The following GRM5 variants were observed in gnomAD, a reference collection of about 807,000 sequenced individuals.
GRM5 encodes metabotropic glutamate receptor 5.
GRM5 carries 19 observed loss-of-function variants against 83.1 expected under a neutral mutation model. That is an observed-to-expected ratio of 0.23 (90% CI 0.16 to 0.34). GRM5 has a LOEUF of 0.34. Among genes scored for constraint, GRM5 ranks in the 10% least tolerant of loss-of-function variants. The pLI, the probability that GRM5 is intolerant of heterozygous loss-of-function variation, is 1.00. For synonymous variants in GRM5, 675 were observed against 633.6 expected (o/e 1.07, Z -0.98); for missense variants, 1,160 against 1,588.3 (o/e 0.73, Z 4.58).
chr11:88,696,495 A>G (rs984125878), intron 3 of GRM5, among the ~76,000 whole-genome samples: 1 of 152,142 alleles, frequency 6.6e-6, no homozygotes. Context: ...GTGGTTAAGA[A>G]TGACATGTGA....
intron 3 of GRM5, among the ~76,000 whole-genome samples, chr11:88,707,052 A>T (rs1353232283): frequency 6.6e-6 from 1 of 152,082 alleles, no homozygotes; most frequent in Non-Finnish European, 1.5e-5. Context: ...CGCTCTGCAC[A>T]ACTCATTTCT....
In GRM5 at chr11:88,505,502, T is replaced by A. The variant is rs1941161798; in HGVS notation, c.*3090A>T. 6.6e-6 allele frequency: 1 copy of A among 152,228 alleles called. No individual in the cohort carries two copies. The highest frequency in any genetic ancestry group is 1.5e-5 in the Non-Finnish European group (1 of 68,022). 9.4% of individuals were successfully genotyped at this position (152,228 alleles called of 1,614,324 possible). ...AGTTACTTTCAAGGATTAGCACGTT[T>A]GGGGATTTGCTTTTTTTCCTTGCTT... On this transcript the variant is annotated 3_prime_UTR_variant, in exon 10 of 10. Transcript: ENST00000305447.
chr11:88,584,694 G>A (rs775770403), intron 7 of GRM5, among the ~76,000 whole-genome samples: 1 of 152,080 alleles, frequency 6.6e-6, no homozygotes, highest in Non-Finnish European at 1.5e-5. Flanking sequence ...TCCACCCAAT[G>A]TAGCCTCCCA....
intron 3 of GRM5, among the ~76,000 whole-genome samples, chr11:88,664,272 G>A (rs772660931): frequency 1.3e-5 from 2 of 151,134 alleles, no homozygotes; most frequent in Non-Finnish European, 2.9e-5. Context: ...TATACAGTTG[G>A]CCCTCCATAT....
chr11:88,755,429 T>C (rs1440468575), intron 3 of GRM5, among the ~76,000 whole-genome samples: 1 of 152,180 alleles, frequency 6.6e-6, no homozygotes, highest in African/African-American at 2.4e-5. Context: ...AGGAAGAGTT[T>C]TTAATCATAT....
chr11:88,711,974 G>T (rs193261810), intron 3 of GRM5, among the ~76,000 whole-genome samples: 1 of 151,988 alleles, frequency 6.6e-6, no homozygotes, highest in South Asian at 2.1e-4. Context: ...ATTATGTCTC[G>T]TTCATTTTGC....
chr11:88,913,656 G>A (rs1398323799), intron 2 of GRM5, among the ~76,000 whole-genome samples: 9 of 148,390 alleles, frequency 6.1e-5, no homozygotes, highest in African/African-American at 1.5e-4. Flanking sequence ...GCACAGTCTC[G>A]GCTCACTCCA....
intron 2 of GRM5, among the ~76,000 whole-genome samples, chr11:88,929,920 A>G (rs1937649665): frequency 6.6e-6 from 1 of 152,232 alleles, no homozygotes; most frequent in East Asian, 1.9e-4. Flanking sequence ...GCTGTTTCCC[A>G]AGTTTGCTTT....
chr11:88,672,632 C>T (rs1174189743), intron 3 of GRM5, among the ~76,000 whole-genome samples: 3 of 151,868 alleles, frequency 2.0e-5, no homozygotes, highest in Admixed American at 2.0e-4. Flanking sequence ...TTGCTGAATA[C>T]AGCAGAAATA....
intron 4 of GRM5, among the ~76,000 whole-genome samples, chr11:88,640,792 G>T (rs1195108756): frequency 2.0e-5 from 3 of 152,150 alleles, no homozygotes; most frequent in Non-Finnish European, 2.9e-5. Flanking sequence ...AGGGGGAGGG[G>T]TGTGGAGCTT....
chr11:88,835,545 A>G (rs1050086999), intron 3 of GRM5, among the ~76,000 whole-genome samples: 2 of 152,224 alleles, frequency 1.3e-5, no homozygotes, highest in African/African-American at 4.8e-5. Flanking sequence ...GTGTATGCCA[A>G]ATTACGGAGT....
chr11:88,621,361 A>G (rs1938629649), intron 4 of GRM5, among the ~76,000 whole-genome samples: 3 of 152,216 alleles, frequency 2.0e-5, no homozygotes, highest in African/African-American at 7.2e-5. Context: ...ATCATACGTT[A>G]AAACACAATC....
Position 88,655,671 on chromosome 11 carries a change from G to T in GRM5, c.912-2268C>A, listed in dbSNP as rs200778819. ...TGATCTCTCATCATGTACTTTCTCT[G>T]TTTTTTTTTTTTTTGAGGTATATAT... On this transcript the variant is annotated intron_variant, in intron 3 of 9. Coordinates refer to ENST00000305447, the MANE Select transcript of GRM5 (RefSeq NM_001143831.3). Among the ~76,000 whole-genome samples the T allele has an allele frequency of 9.3e-3, 1,251 of 134,994 alleles. 12 individuals are homozygous for T. The highest frequency in any genetic ancestry group is 0.07 in the East Asian group (323 of 4,588). The allele number at this position is 134,994 out of a possible 152,430, so 88.6% of individuals were successfully genotyped here.
At chr11:88,895,898 A>G (rs1387766845) in intron 2 of GRM5, among the ~76,000 whole-genome samples, 1 of 151,974 alleles carries the variant, frequency 6.6e-6, no homozygotes, top group African/African-American at 2.4e-5. Context: ...GTAGAAGTTT[A>G]AAAACGTATG....
chr11:88,912,048 A>G (rs1412278710), intron 2 of GRM5: 2 of 467,972 alleles, frequency 4.3e-6, no homozygotes, highest in Non-Finnish European at 8.9e-6. Context: ...GTATTGTACA[A>G]TACTGTAAGT....
intron 3 of GRM5, among the ~76,000 whole-genome samples, chr11:88,816,224 A>G (rs1272313583): frequency 7.4e-5 from 6 of 81,018 alleles, no homozygotes; most frequent in Admixed American, 1.3e-4. Flanking sequence ...CGTCTCAAAA[A>G]AAAAAAAAAA....
intron 2 of GRM5, among the ~76,000 whole-genome samples, chr11:88,997,182 C>T (rs901234589): frequency 1.5e-4 from 23 of 151,860 alleles, no homozygotes; most frequent in African/African-American, 5.3e-4. Flanking sequence ...AAAAAATTAG[C>T]TGGGCTTTGT....
chr11:89,030,126 C>T (rs192567170), intron 2 of GRM5, among the ~76,000 whole-genome samples: 45 of 152,074 alleles, frequency 3.0e-4, no homozygotes, highest in Non-Finnish European at 2.9e-5. Flanking sequence ...ACAATGACAA[C>T]GGGTGCAATT....
chr11:88,576,188 T>C (rs1373492389), intron 7 of GRM5, among the ~76,000 whole-genome samples: 4 of 152,172 alleles, frequency 2.6e-5, no homozygotes, highest in Non-Finnish European at 5.9e-5. Flanking sequence ...CAGTCCCTTT[T>C]TACTAGCTAA....
Sources: allele counts gnomAD v4.1 joint callset (sites outside exome capture counted in the v4.1 genomes callset), GRCh38; gene constraint gnomAD v4.1.1; transcripts MANE v1.5; gene names NCBI Gene and HGNC (gene_info 2026-07-23, HGNC 2026-07-21).